The following PSD3 variants were observed in gnomAD, a reference collection of about 807,000 sequenced individuals.
The protein encoded by PSD3 is PH and SEC7 domain-containing protein 3.
A neutral mutation model predicts 105.5 loss-of-function variants in PSD3; 49 were observed. The observed-to-expected ratio is 0.46, with a 90% CI of 0.37 to 0.59. PSD3 has a LOEUF of 0.59. Ranked by LOEUF, PSD3 falls within the 20% of genes least tolerant of loss-of-function variation. PSD3 has a pLI of 0.00. For missense variants in PSD3, 1,561 were observed against 1,263.8 expected, an observed-to-expected ratio of 1.24 and a Z score of -3.57; for synonymous variants, 557 against 457.8, an observed-to-expected ratio of 1.22 and a Z score of -2.77.
intron 9 of PSD3, among the ~76,000 whole-genome samples, chr8:18,691,622 G>A (rs1800978030): frequency 6.6e-6 from 1 of 152,228 alleles, no homozygotes; most frequent in Non-Finnish European, 1.5e-5. Context: ...ATCCAGATGA[G>A]TAAACCAATA....
chr8:18,651,468 C>G lies in PSD3; in HGVS notation c.2216+4174G>C, dbSNP rs150751788. ...TCTAAACTACACATTGTAGGCTTAT[C>G]TTTTAAGAAATGTGGTTCCTTCATT... On this transcript the variant is annotated intron_variant, in intron 10 of 15. Coordinates refer to ENST00000327040, the MANE Select transcript of PSD3 (RefSeq NM_015310.4). 1.4e-3 allele frequency among the ~76,000 whole-genome samples: 215 copies of G among 152,342 alleles called. 1 individual carries two copies. Among genetic ancestry groups the G allele is most frequent in the African/African-American group, 4.9e-3 (205 of 41,588 alleles).
At chr8:18,657,602 C>T (rs1469075906) in intron 9 of PSD3, among the ~76,000 whole-genome samples, 1 of 152,122 alleles carries the variant, frequency 6.6e-6, no homozygotes, top group Non-Finnish European at 1.5e-5. Context: ...CTGAAGAGAT[C>T]CAATCTATGA....
intron 9 of PSD3, among the ~76,000 whole-genome samples, chr8:18,677,876 G>A (rs1029569600): frequency 1.3e-5 from 2 of 152,064 alleles, no homozygotes; most frequent in African/African-American, 4.8e-5. Flanking sequence ...CAGGCGTGGT[G>A]GCGGGTGCCT....
intron 15 of PSD3, among the ~76,000 whole-genome samples, chr8:18,552,268 C>T (rs1800812641): frequency 6.6e-6 from 1 of 152,170 alleles, no homozygotes; most frequent in African/African-American, 2.4e-5. Context: ...TTCCCTCTCC[C>T]TACTCAGGTC....
At chr8:18,695,308 C>G (rs1426094365) in intron 9 of PSD3, among the ~76,000 whole-genome samples, 2 of 152,198 alleles carry the variant, frequency 1.3e-5, no homozygotes, top group South Asian at 4.1e-4. Flanking sequence ...TACCTGTCAG[C>G]CCCAAATCAG....
intron 11 of PSD3, among the ~76,000 whole-genome samples, chr8:18,609,964 G>A (rs1173167086): frequency 6.6e-6 from 1 of 152,168 alleles, no homozygotes; most frequent in Non-Finnish European, 1.5e-5. Flanking sequence ...CCAGTATTCA[G>A]CAAGTGACAG....
intron 12 of PSD3, among the ~76,000 whole-genome samples, chr8:18,590,540 G>C (rs565766089): frequency 6.6e-6 from 1 of 152,188 alleles, no homozygotes; most frequent in South Asian, 2.1e-4. Context: ...ATGACATTAG[G>C]TATAATCTTT....
At chr8:19,057,978 C>T (rs1828767274) in intron 1 of PSD3, among the ~76,000 whole-genome samples, 2 of 152,168 alleles carry the variant, frequency 1.3e-5, no homozygotes. Context: ...ACACAAAAAC[C>T]TCTACAGGAC....
rs560183280 is a variant in PSD3, at chr8:19,030,836, C to T, written c.324+53370G>A. Among the ~76,000 whole-genome samples, 96 of 152,248 alleles carry T rather than the reference C, an allele frequency of 6.3e-4. 1 individual carries two copies. Among genetic ancestry groups the T allele is most frequent in the Admixed American group, 4.1e-3 (62 of 15,282 alleles). ...TGGTCTTTGTCACAGCCTTTGAGAG[C>T]GATCCTAATTTTGGTTATGAAAAAT... is the stretch of plus-strand genomic sequence containing the variant. On this transcript the variant is annotated intron_variant, in intron 1 of 1. Coordinates refer to the PSD3 transcript ENST00000521475.
intron 9 of PSD3, among the ~76,000 whole-genome samples, chr8:18,713,973 A>G (rs1585704411): frequency 6.6e-6 from 1 of 152,260 alleles, no homozygotes; most frequent in Non-Finnish European, 1.5e-5. Context: ...CAGAAATAAG[A>G]CTACACATTT....
At chr8:18,659,020 A>G (rs1437433155) in intron 9 of PSD3, among the ~76,000 whole-genome samples, 3 of 152,176 alleles carry the variant, frequency 2.0e-5, no homozygotes, top group Non-Finnish European at 4.4e-5. Flanking sequence ...AGTTCCCAGT[A>G]GAGGTTCAGT....
At chr8:18,693,398 C>T (rs1801081253) in intron 9 of PSD3, among the ~76,000 whole-genome samples, 1 of 152,182 alleles carries the variant, frequency 6.6e-6, no homozygotes, top group Non-Finnish European at 1.5e-5. Flanking sequence ...TTGGCTTTGT[C>T]ATTGACTGGT....
intron 15 of PSD3, among the ~76,000 whole-genome samples, chr8:18,542,511 G>A (rs572800173): frequency 2.3e-4 from 35 of 152,266 alleles, no homozygotes; most frequent in African/African-American, 8.4e-4. Context: ...ATAGCCAGAT[G>A]GTAGAAAAGG....
At chr8:18,905,470 C>T (rs914451359) in intron 2 of PSD3, among the ~76,000 whole-genome samples, 1 of 152,126 alleles carries the variant, frequency 6.6e-6, no homozygotes, top group Non-Finnish European at 1.5e-5. Context: ...ACTACAGGTG[C>T]ACACCACCAT....
rs1214569335 is a variant in PSD3 at position 19,046,293 on chromosome 8, G to C, written c.324+37913C>G. 6.6e-5 allele frequency among the ~76,000 whole-genome samples: 10 copies of C among 152,090 alleles called. No homozygotes were observed. In the East Asian group the frequency reaches 1.7e-3, roughly 27 times the overall value. On this transcript the variant is annotated intron_variant, in intron 1 of 1. Transcript: ENST00000521475. ...CACCTGGGTAATTTTTGTATTTTTA[G>C]TAGAGACGGGGTTTCACCATATTGG...
chr8:18,936,195 A>C (rs1822123192), intron 1 of PSD3, 53 bp from the exon 2 acceptor site: 1 of 1,137,992 alleles, frequency 8.8e-7, no homozygotes, highest in Admixed American at 1.8e-5. Flanking sequence ...ATTAAAAAAC[A>C]CATCATAAAA....
intron 4 of PSD3, among the ~76,000 whole-genome samples, chr8:18,840,131 A>G (rs1290392342): frequency 6.6e-6 from 1 of 152,174 alleles, no homozygotes; most frequent in African/African-American, 2.4e-5. Flanking sequence ...CTCCACAGTA[A>G]ATCAAAGGAA....
chr8:19,059,716 G>C (rs1229113996), intron 1 of PSD3, among the ~76,000 whole-genome samples: 2 of 152,182 alleles, frequency 1.3e-5, no homozygotes, highest in Admixed American at 6.5e-5. Context: ...AAAGAAGAAA[G>C]GTTAGAAAAT....
chr8:18,749,101 T>A (rs10097648), intron 9 of PSD3, among the ~76,000 whole-genome samples: 31,143 of 152,246 alleles, frequency 0.2, 5,673 homozygotes, highest in African/African-American at 0.47. Context: ...GTGTTGATTA[T>A]CTTCTTGACG....
Sources: gnomAD v4.1 joint callset for allele counts (sites outside exome capture counted in the v4.1 genomes callset) on GRCh38, gnomAD v4.1.1 for gene constraint, MANE v1.5 for transcripts, NCBI Gene and HGNC (gene_info 2026-07-23, HGNC 2026-07-21) for gene names.